SLC9D1: variants seen among roughly 807,000 people sequenced by gnomAD.
SLC9D1 encodes putative LAG1-interacting protein.
chr13:113,510,539 A>G, the SLC9D1 span: 1 of 953,282 alleles, frequency 1.0e-6, no homozygotes. Flanking sequence ...TTCCCCTCTT[A>G]GGACTTTCCT....
At chr13:113,503,531 G>GA in the SLC9D1 span, 1 of 1,613,474 alleles carries the variant, frequency 6.2e-7, no homozygotes, top group Non-Finnish European at 8.5e-7. Context: ...GAGAATTTGG[G>GA]GTGTTTTTTA....
At chr13:113,507,467 T>C in the SLC9D1 span, among the ~76,000 whole-genome samples, 15 of 152,222 alleles carry the variant, frequency 9.9e-5, no homozygotes. Flanking sequence ...GGAAAATAAT[T>C]TCCTTGGGTT....
the SLC9D1 span, chr13:113,503,616 A>T: frequency 2.1e-6 from 3 of 1,446,020 alleles, no homozygotes; most frequent in Non-Finnish European, 2.9e-6. Context: ...CTGTTACTGC[A>T]GCTAAGGAGC....
the SLC9D1 span, among the ~76,000 whole-genome samples, chr13:113,516,969 G>A: frequency 6.6e-6 from 1 of 152,214 alleles, no homozygotes; most frequent in Non-Finnish European, 1.5e-5. Context: ...AGCAGCGTTG[G>A]CCTCCAGAGG....
At chr13:113,543,115 A>ACCACCTCCTCCCCCTGCCCCCT in the SLC9D1 span, among the ~76,000 whole-genome samples, 1 of 41,532 alleles carries the variant, frequency 2.4e-5, no homozygotes, top group Non-Finnish European at 4.3e-5. Context: ...CCCTGCCCCC[A>ACCACCTCCTCCCCCTGCCCCCT]GCCCTCCCTG....
At chr13:113,535,439 G>A in the SLC9D1 span, among the ~76,000 whole-genome samples, 2 of 152,164 alleles carry the variant, frequency 1.3e-5, no homozygotes, top group East Asian at 1.9e-4. The surrounding 1 kb of genome is among the most constrained non-coding windows in gnomAD (Gnocchi z 4.1). Flanking sequence ...TGTTCAGCCC[G>A]GCAGGTGCTC....
the SLC9D1 span, chr13:113,495,926 C>G: frequency 6.2e-7 from 1 of 1,614,026 alleles, no homozygotes; most frequent in South Asian, 1.1e-5. Flanking sequence ...AAGCTGTCTA[C>G]GGACTGCAGA....
the SLC9D1 span, among the ~76,000 whole-genome samples, chr13:113,509,450 C>CTATG: frequency 0.1 from 12,221 of 122,408 alleles, 1,709 homozygotes; most frequent in African/African-American, 0.22. Flanking sequence ...CTGGAGCTGC[C>CTATG]TATGTTGGGA....
chr13:113,495,639 G>A, the SLC9D1 span: 7 of 1,589,810 alleles, frequency 4.4e-6, no homozygotes, highest in African/African-American at 8.1e-5. Context: ...TCCCTGGGCG[G>A]TGCAGGCTGT....
the SLC9D1 span, chr13:113,547,379 G>A: frequency 6.2e-7 from 1 of 1,612,476 alleles, no homozygotes; most frequent in Non-Finnish European, 8.5e-7. Context: ...TGGTGATGAA[G>A]GTATGGACTG....
the SLC9D1 span, chr13:113,547,443 C>T: frequency 7.3e-7 from 1 of 1,364,600 alleles, no homozygotes; most frequent in Non-Finnish European, 1.0e-6. Context: ...TCCCTGTGGC[C>T]CTGGTTTCCA....
the SLC9D1 span, among the ~76,000 whole-genome samples, chr13:113,548,082 G>A: frequency 6.6e-6 from 1 of 152,148 alleles, no homozygotes; most frequent in Non-Finnish European, 1.5e-5. Context: ...TGAACCGAAA[G>A]GCTTAATTTT....
chr13:113,513,512 A>G, the SLC9D1 span, among the ~76,000 whole-genome samples: 1 of 152,196 alleles, frequency 6.6e-6, no homozygotes, highest in Admixed American at 6.5e-5. Flanking sequence ...GGAGGGTTGC[A>G]TGTTTGGGAG....
the SLC9D1 span, among the ~76,000 whole-genome samples, chr13:113,540,363 A>C: frequency 6.6e-6 from 1 of 152,182 alleles, no homozygotes; most frequent in African/African-American, 2.4e-5. Flanking sequence ...AATGGTGTCT[A>C]AGTGTTGCCG....
chr13:113,511,085 G>C, the SLC9D1 span, among the ~76,000 whole-genome samples: 37 of 104,008 alleles, frequency 3.6e-4, no homozygotes, highest in African/African-American at 7.2e-4. Context: ...CCGTGTCCCT[G>C]TGCGGGGAGG....
the SLC9D1 span, chr13:113,503,495 G>C: frequency 1.2e-6 from 2 of 1,607,000 alleles, no homozygotes; most frequent in Middle Eastern, 1.7e-4. Flanking sequence ...GTGTTTTTCA[G>C]TCTATTGTGC....
the SLC9D1 span, among the ~76,000 whole-genome samples, chr13:113,508,271 C>T: frequency 3.3e-5 from 5 of 152,194 alleles, no homozygotes; most frequent in Middle Eastern, 3.2e-3. Flanking sequence ...GGGCGCACAG[C>T]GAGTTAGTGG....
the SLC9D1 span, among the ~76,000 whole-genome samples, chr13:113,508,465 C>T: frequency 2.6e-5 from 4 of 152,216 alleles, no homozygotes; most frequent in East Asian, 1.9e-4. Context: ...GGGTGTGAGA[C>T]GCGCTCTGTG....
the SLC9D1 span, among the ~76,000 whole-genome samples, chr13:113,501,216 GTA>G: frequency 6.6e-6 from 1 of 152,212 alleles, no homozygotes; most frequent in African/African-American, 2.4e-5. Flanking sequence ...AAACTTTGCT[GTA>G]TAGTCAGCCC....
Sources: gnomAD v4.1 joint callset for allele counts (sites outside exome capture counted in the v4.1 genomes callset) on GRCh38, gnomAD v4.1.1 for gene constraint, Gnocchi (gnomAD v3.1) non-coding constraint, MANE v1.5 for transcripts, NCBI Gene and HGNC (gene_info 2026-07-23, HGNC 2026-07-21) for gene names.